Variants in MAT2B observed in about 807,000 individuals in gnomAD.
MAT2B encodes methionine adenosyltransferase 2 non-catalytic beta subunit, also known as methionine adenosyltransferase 2 subunit beta.
Under a neutral mutation model 36.1 loss-of-function variants are expected in MAT2B, and 16 were observed. That is an observed-to-expected ratio of 0.44 (90% CI 0.30 to 0.67). The LOEUF (loss-of-function observed/expected upper bound fraction) is 0.67. MAT2B is among the 30% of genes least tolerant of loss of function. The pLI, the probability that MAT2B is intolerant of heterozygous loss-of-function variation, is 0.09. For missense variants in MAT2B, 332 were observed against 398.2 expected (o/e 0.83, Z 1.42); for synonymous variants, 148 against 136.9 (o/e 1.08, Z -0.57).
At chr5:163,503,242 A>C (rs1308626793), upstream of MAT2B, 1 of 661,610 alleles carries the variant, frequency 1.5e-6, no homozygotes, top group African/African-American at 1.8e-5. Flanking sequence ...CGGGATTGGA[A>C]TCAAAATGCT....
intron 4 of MAT2B, among the ~76,000 whole-genome samples, chr5:163,515,986 T>G (rs779992555): frequency 1.1e-3 from 160 of 152,104 alleles, no homozygotes; most frequent in Middle Eastern, 6.8e-3. Flanking sequence ...CCTCCTGCCT[T>G]GGACTCCCAA....
At chr5:163,506,099 C>A (rs565946426) in intron 1 of MAT2B, among the ~76,000 whole-genome samples, 1 of 152,270 alleles carries the variant, frequency 6.6e-6, no homozygotes, top group Admixed American at 6.5e-5. Context: ...TCGTATTTCT[C>A]GATCTTACAA....
rs780932292 is a variant in MAT2B, at chr5:163,513,695, A to G, written c.373+26A>G. 1.2e-5 allele frequency: 19 copies of G among 1,575,496 alleles called. No homozygotes were observed. In the South Asian group the frequency reaches 1.6e-4, roughly 13 times the overall value. On this transcript the variant is annotated intron_variant, in intron 3 of 6. Transcript: ENST00000321757. ...GTAATGATGACTTTATAAAATTTTC[A>G]TAAAATATTAAGTGATTGCTGAGTT... is the stretch of plus-strand genomic sequence containing the variant.
Position 163,517,587 on chromosome 5 carries a change from C to G in MAT2B, c.747C>G (p.His249Gln). The G allele has an allele frequency of 6.2e-7, 1 of 1,612,392 alleles. No homozygotes were observed. The highest frequency in any genetic ancestry group is 8.5e-7 in the Non-Finnish European group (1 of 1,178,482). The change falls in exon 6 of 7, where the codon CAC becomes CAG. Residue 249 changes from histidine to glutamine, a missense_variant. By Grantham distance (24) the His-to-Gln change is conservative. Coordinates refer to ENST00000321757, the MANE Select transcript of MAT2B (RefSeq NM_013283.5). ...MLDPSIKGTF[H>Q]WSGNEQMTKY... is the part of the protein sequence containing the mutation. ...ATCCATCAATTAAGGGAACCTTTCA[C>G]TGGTCTGGCAATGAACAGATGACTA...
intron 1 of MAT2B, among the ~76,000 whole-genome samples, 185 bp from the exon 2 acceptor site, chr5:163,511,817 T>C (rs1468682047): frequency 6.6e-6 from 1 of 152,204 alleles, no homozygotes. Flanking sequence ...ATTCCCAAAG[T>C]GTTGGAATTA....
chr5:163,512,225 A>T, intron 2 of MAT2B, 29 bp downstream of exon 2: 1 of 1,531,262 alleles, frequency 6.5e-7, no homozygotes, highest in Non-Finnish European at 9.1e-7. Context: ...TAAGATATAC[A>T]TGAACAATAT....
intron 5 of MAT2B, chr5:163,517,068 T>C (rs1750567474): frequency 5.6e-6 from 2 of 355,676 alleles, no homozygotes; most frequent in Non-Finnish European, 5.1e-6. Context: ...TGGTATTAAA[T>C]ATAATATCCA....
In MAT2B at chr5:163,517,656, C is replaced by T. The variant is rs771852968; in HGVS notation, c.816C>T (p.Pro272=). 2.5e-6 allele frequency: 4 copies of T among 1,611,984 alleles called. No individual in the cohort carries two copies. The highest frequency in any genetic ancestry group is 2.7e-5 in the African/African-American group (2 of 74,884). ...CAATTGCAGATGCCTTCAACCTCCC[C>T]AGCAGTCACTTAAGACCTGTAAGTA... ...ACAIADAFNL[P]SSHLRPITDS... is the part of the protein sequence containing the mutation. Residue 272 remains proline (P), a synonymous_variant, in exon 6 of 7, where the codon CCC becomes CCT. Coordinates refer to ENST00000321757, the MANE Select transcript of MAT2B (RefSeq NM_013283.5).
Position 163,505,930 on chromosome 5 carries a change from C to T in MAT2B, c.63+181C>T, listed in dbSNP as rs550434161. ...GGGGCGCCACCGAGTTTGTTTATCT[C>T]AGCGCACACGGGTCAGTGTTTTTTT... On this transcript the variant is annotated intron_variant, in intron 1 of 6. Transcript: ENST00000321757. Among the ~76,000 whole-genome samples, 3 of 152,258 alleles carry T rather than the reference C, an allele frequency of 2.0e-5. No individual in the cohort carries two copies. In the East Asian group the frequency reaches 5.8e-4, roughly 30 times the overall value.
At position 163,518,590 on chromosome 5, in the gene MAT2B, C is replaced by A; in HGVS notation, c.*227C>A. On this transcript the variant is annotated 3_prime_UTR_variant, in exon 7 of 7. Coordinates refer to ENST00000321757, the MANE Select transcript of MAT2B (RefSeq NM_013283.5). ...TATCATTTTGTTTGTCCTGGCTAAA[C>A]TTGGAGTTTGAGTATAGTAAATTAT... The A allele has an allele frequency of 2.9e-6, 1 of 348,694 alleles. No homozygotes were observed. The highest frequency in any genetic ancestry group is 5.1e-6 in the Non-Finnish European group (1 of 194,696). The allele number at this position is 348,694 out of a possible 1,614,324, so 21.6% of individuals were successfully genotyped here.
chr5:163,515,596 A>T (rs779225469), intron 4 of MAT2B, among the ~76,000 whole-genome samples: 1 of 152,096 alleles, frequency 6.6e-6, no homozygotes, highest in East Asian at 1.9e-4. Flanking sequence ...TATGCCAAAA[A>T]TGTCCTTTAT....
upstream of MAT2B, chr5:163,503,432 C>A (rs76164452): frequency 8.5e-5 from 137 of 1,613,460 alleles, no homozygotes; most frequent in East Asian, 1.4e-3. Context: ...CAGGTAAGAA[C>A]TAGCAATTCA....
intron 1 of MAT2B, among the ~76,000 whole-genome samples, chr5:163,510,815 T>C (rs1040614606): frequency 6.6e-6 from 1 of 152,234 alleles, no homozygotes; most frequent in Non-Finnish European, 1.5e-5. Context: ...TCCTCGTATA[T>C]TCCTTTGAAA....
At position 163,513,922 on chromosome 5, in the gene MAT2B, A is replaced by C; in HGVS notation, c.454A>C (p.Ile152Leu). 1 of 1,613,732 alleles carries C rather than the reference A, an allele frequency of 6.2e-7. No homozygotes were observed. The highest frequency in any genetic ancestry group is 8.5e-7 in the Non-Finnish European group (1 of 1,179,754). ...GTNPPYREED[I>L]PAPLNLYGKT... Reference sequence around the variant, plus strand: ...AAATCCACCTTACAGAGAGGAAGACATACCAGCTCCCCTAAATTTGTATGG... The same window carrying C: ...AAATCCACCTTACAGAGAGGAAGACCTACCAGCTCCCCTAAATTTGTATGG... Residue 152 changes from isoleucine (I) to leucine (L), a missense_variant, in exon 4 of 7, where the codon ATA (isoleucine) becomes CTA (leucine). Ile to Leu is a conservative substitution (Grantham distance 5). Transcript: ENST00000321757.
chr5:163,507,162 C>A (rs1035794608), intron 1 of MAT2B, among the ~76,000 whole-genome samples: 6 of 152,126 alleles, frequency 3.9e-5, no homozygotes, highest in Non-Finnish European at 7.3e-5. Flanking sequence ...CCAAAAACGA[C>A]AAGGTATTTA....
intron 1 of MAT2B, among the ~76,000 whole-genome samples, chr5:163,511,062 T>C (rs950351107): frequency 1.3e-5 from 2 of 152,186 alleles, no homozygotes; most frequent in Admixed American, 1.3e-4. Flanking sequence ...TAAAGTCTTA[T>C]AAACTGAAGA....
At chr5:163,516,369 G>A (rs1448415897) in intron 4 of MAT2B, 149 bp from the exon 5 acceptor site, 14 of 654,448 alleles carry the variant, frequency 2.1e-5, no homozygotes, top group South Asian at 6.0e-5. Flanking sequence ...TTTACATTGC[G>A]TTGTCACAAG....
At chr5:163,513,400 AG>A (rs1760080854) in intron 2 of MAT2B, 154 bp from the exon 3 acceptor site, 2 of 547,444 alleles carry the variant, frequency 3.7e-6, no homozygotes, top group East Asian at 5.8e-5. Context: ...GAAAAGAAGC[AG>A]CATGACAAAA....
chr5:163,505,061 T>C (rs1393919892), upstream of MAT2B, among the ~76,000 whole-genome samples: 1 of 152,190 alleles, frequency 6.6e-6, no homozygotes, highest in African/African-American at 2.4e-5. Flanking sequence ...GTTTTACATT[T>C]TTGATATCTC....
Sources: allele counts gnomAD v4.1 joint callset (sites outside exome capture counted in the v4.1 genomes callset), GRCh38; gene constraint gnomAD v4.1.1; transcripts MANE v1.5; gene names NCBI Gene and HGNC (gene_info 2026-07-23, HGNC 2026-07-21).